KIF21A: variants seen among roughly 807,000 people sequenced by gnomAD.
KIF21A encodes the protein kinesin-like protein KIF21A.
KIF21A carries 114 observed loss-of-function variants against 202.9 expected under a neutral mutation model. That is an observed-to-expected ratio of 0.56 (90% CI 0.48 to 0.66). The LOEUF (loss-of-function observed/expected upper bound fraction) is 0.66, where lower values mean the gene tolerates loss of function less well. Among genes scored for constraint, KIF21A ranks in the 30% least tolerant of loss-of-function variants. KIF21A has a pLI of 0.00. For missense variants in KIF21A, 1,677 were observed against 1,994.9 expected, an observed-to-expected ratio of 0.84 and a Z score of 3.04; for synonymous variants, 667 against 670.8, an observed-to-expected ratio of 0.99 and a Z score of 0.09.
chr12:39,353,322 G>T (rs886480470), intron 10 of KIF21A, among the ~76,000 whole-genome samples: 1 of 152,020 alleles, frequency 6.6e-6, no homozygotes, highest in Non-Finnish European at 1.5e-5. Context: ...ACCCCACCTG[G>T]TCCTACACAT....
At chr12:39,313,992 A>G (rs1944274089) in intron 31 of KIF21A, among the ~76,000 whole-genome samples, 1 of 151,778 alleles carries the variant, frequency 6.6e-6, no homozygotes, top group African/African-American at 2.4e-5. Flanking sequence ...ATACAACAGC[A>G]TAATTTAAAA....
chr12:39,329,182 T>C (rs11171748), intron 24 of KIF21A, among the ~76,000 whole-genome samples: 41,161 of 152,088 alleles, frequency 0.27, 7,509 homozygotes, highest in Non-Finnish European at 0.39. Context: ...TCCTTTCGTC[T>C]AGAGAGAGCC....
intron 11 of KIF21A, among the ~76,000 whole-genome samples, chr12:39,349,919 C>T (rs944766744): frequency 6.6e-6 from 1 of 151,796 alleles, no homozygotes; most frequent in African/African-American, 2.4e-5. Context: ...GTCAGTTTTA[C>T]AAAATTATAT....
At position 39,416,776 on chromosome 12, in the gene KIF21A, T is replaced by C. The variant is rs560164298; in HGVS notation, c.44+26151A>G. On this transcript the variant is annotated intron_variant, in intron 1 of 37. Coordinates refer to ENST00000361418, the MANE Select transcript of KIF21A (RefSeq NM_001173464.2). ...ACATATATATGTGTATATATATATG[T>C]ACATATATATGTGTATATATATGTA... 1.4e-3 allele frequency among the ~76,000 whole-genome samples: 190 copies of C among 135,128 alleles called. 3 individuals carry two copies. Among genetic ancestry groups the C allele is most frequent in the African/African-American group, 5.3e-3 (184 of 34,898 alleles). The allele number at this position is 135,128 out of a possible 152,430, so 88.6% of individuals were successfully genotyped here.
intron 1 of KIF21A, among the ~76,000 whole-genome samples, chr12:39,431,345 G>A (rs1937872207): frequency 6.6e-6 from 1 of 152,156 alleles, no homozygotes; most frequent in African/African-American, 2.4e-5. Flanking sequence ...ATTTCACTTT[G>A]TCAAGTGGGT....
At chr12:39,349,705 C>T (rs1208032109) in intron 11 of KIF21A, among the ~76,000 whole-genome samples, 1 of 151,974 alleles carries the variant, frequency 6.6e-6, no homozygotes, top group Non-Finnish European at 1.5e-5. Context: ...GAACAAAGTG[C>T]TTTATCAAAC....
intron 1 of KIF21A, among the ~76,000 whole-genome samples, chr12:39,423,983 C>CA (rs35526386): frequency 0.16 from 4,212 of 25,598 alleles, 1,127 homozygotes; most frequent in East Asian, 0.2. Flanking sequence ...GACTCTGTCT[C>CA]AAAAAAAAAA....
At chr12:39,373,037 T>C (rs565816463) in intron 1 of KIF21A, among the ~76,000 whole-genome samples, 1 of 152,284 alleles carries the variant, frequency 6.6e-6, no homozygotes, top group African/African-American at 2.4e-5. Context: ...CTTAGAATAT[T>C]GCAAAGTCTT....
chr12:39,311,248 T>C (rs1291460424), intron 32 of KIF21A, among the ~76,000 whole-genome samples, 169 bp downstream of exon 32: 2 of 152,060 alleles, frequency 1.3e-5, no homozygotes, highest in Non-Finnish European at 2.9e-5. Flanking sequence ...AGGTTTTACT[T>C]GCTGCTCAAC....
chr12:39,367,297 C>T (rs2139116821), intron 4 of KIF21A, 133 bp from the exon 5 acceptor site: 1 of 891,694 alleles, frequency 1.1e-6, no homozygotes, highest in Non-Finnish European at 1.8e-6. Flanking sequence ...ATTATTAGTT[C>T]AGTTACAGGC....
chr12:39,348,608 C>A (rs564381849), intron 11 of KIF21A, among the ~76,000 whole-genome samples: 1 of 151,994 alleles, frequency 6.6e-6, no homozygotes, highest in East Asian at 1.9e-4. Context: ...GCCACTCCAA[C>A]CAAAAATCTA....
intron 1 of KIF21A, among the ~76,000 whole-genome samples, chr12:39,411,117 T>A (rs1337170329): frequency 6.6e-6 from 1 of 152,228 alleles, no homozygotes; most frequent in Admixed American, 6.5e-5. Context: ...CATAATGATC[T>A]CAGCTTCCCC....
intron 1 of KIF21A, among the ~76,000 whole-genome samples, chr12:39,411,260 C>G (rs1316623055): frequency 6.6e-6 from 1 of 152,160 alleles, no homozygotes; most frequent in Non-Finnish European, 1.5e-5. Flanking sequence ...ATGATATAAT[C>G]TATACCTTAT....
intron 32 of KIF21A, among the ~76,000 whole-genome samples, chr12:39,310,059 T>C (rs963247701): frequency 2.0e-5 from 3 of 152,042 alleles, no homozygotes; most frequent in African/African-American, 4.8e-5. Context: ...TTGCTTCAAA[T>C]TGCCACTGAA....
chr12:39,306,770 G>A (rs528372251), intron 34 of KIF21A, among the ~76,000 whole-genome samples: 38 of 152,070 alleles, frequency 2.5e-4, no homozygotes, highest in Non-Finnish European at 4.6e-4. Flanking sequence ...CCTATAATCC[G>A]AGCACTTTGG....
chr12:39,377,355 T>C (rs1950333237), intron 1 of KIF21A, among the ~76,000 whole-genome samples: 1 of 152,158 alleles, frequency 6.6e-6, no homozygotes, highest in African/African-American at 2.4e-5. Context: ...CTTCCTTCCA[T>C]TTCCCCAAAA....
chr12:39,371,932 C>CAA (rs1157665795), intron 1 of KIF21A, among the ~76,000 whole-genome samples: 2 of 100,544 alleles, frequency 2.0e-5, no homozygotes, highest in South Asian at 3.4e-4. Flanking sequence ...GAATCCGTCT[C>CAA]AAAAAAAAAA....
In KIF21A at chr12:39,328,602, A is replaced by C. The variant is rs544915645; in HGVS notation, c.3340+1640T>G. ...ATAAGGATGTTCTTTAAAGGCTACAAAAGTACAACCCTGTGAGCATGGGGC... is the reference window on the plus strand; with the variant it reads ...ATAAGGATGTTCTTTAAAGGCTACACAAGTACAACCCTGTGAGCATGGGGC... On this transcript the variant is annotated intron_variant, in intron 24 of 37. Coordinates refer to ENST00000361418, the MANE Select transcript of KIF21A (RefSeq NM_001173464.2). 2.4e-4 allele frequency among the ~76,000 whole-genome samples: 36 copies of C among 152,316 alleles called. No homozygotes were observed. In the South Asian group the frequency reaches 3.1e-3, roughly 13 times the overall value.
chr12:39,389,179 TACACACAC>T (rs10632410), intron 1 of KIF21A, among the ~76,000 whole-genome samples: 6 of 142,172 alleles, frequency 4.2e-5, no homozygotes, highest in African/African-American at 1.0e-4. Flanking sequence ...TAAATACACA[TACACACAC>T]ACACACACAC....
Sources: allele counts gnomAD v4.1 joint callset (sites outside exome capture counted in the v4.1 genomes callset), GRCh38; gene constraint gnomAD v4.1.1; transcripts MANE v1.5; gene names NCBI Gene and HGNC (gene_info 2026-07-23, HGNC 2026-07-21).